The following TEX11 variants were observed in gnomAD, a reference collection of about 807,000 sequenced individuals.
TEX11 encodes the protein testis expressed 11, also known as testis-expressed protein 11.
In TEX11, 7 loss-of-function variants were observed where a neutral mutation model predicts 84.4. The observed-to-expected ratio is 0.08, with a 90% CI of 0.05 to 0.16. TEX11 has a LOEUF of 0.16. Among genes scored for constraint, TEX11 ranks in the 10% least tolerant of loss-of-function variants. The probability of loss-of-function intolerance (pLI) is 1.00; values close to 1 mark genes in which losing one functional copy is unlikely to be tolerated. For synonymous variants in TEX11, 264 were observed against 222.8 expected (o/e 1.18, Z -1.64); for missense variants, 551 against 660.5 (o/e 0.83, Z 1.82).
At chrX:70,685,674 A>G (rs1050713515) in intron 13 of TEX11, among the ~76,000 whole-genome samples, 3 of 112,085 alleles carry the variant, frequency 2.7e-5, no homozygotes, top group African/African-American at 6.5e-5. Flanking sequence ...TGAAAAGTCA[A>G]ACTAATTTAC....
chrX:70,676,241 A>T (rs907986014), intron 15 of TEX11, among the ~76,000 whole-genome samples: 1 of 112,309 alleles, frequency 8.9e-6, no homozygotes, highest in Non-Finnish European at 1.9e-5. Context: ...CAAAAGTGAA[A>T]ATGCTGCATC....
intron 20 of TEX11, among the ~76,000 whole-genome samples, chrX:70,611,480 A>G (rs1490204717): frequency 1.8e-5 from 2 of 112,259 alleles, no homozygotes; most frequent in East Asian, 5.6e-4. Context: ...AGGAGGACCC[A>G]GTCATAAGGA....
intron 11 of TEX11, among the ~76,000 whole-genome samples, chrX:70,734,325 G>T (rs1466120641): frequency 5.5e-5 from 6 of 109,977 alleles, no homozygotes; most frequent in Admixed American, 3.9e-4. Context: ...GAAAAAAAAA[G>T]AAATTCAAGC....
chrX:70,852,257 T>G (rs1226613777), intron 7 of TEX11, among the ~76,000 whole-genome samples: 2 of 112,227 alleles, frequency 1.8e-5, no homozygotes. Flanking sequence ...AGTGGCACAA[T>G]CATAGCTCAC....
At chrX:70,511,461 A>C in the TEX11 span, among the ~76,000 whole-genome samples, 1 of 111,574 alleles carries the variant, frequency 9.0e-6, no homozygotes, top group Non-Finnish European at 1.9e-5. Flanking sequence ...CCTTTATAAA[A>C]GGGTGACATA....
chrX:70,776,435 C>A (rs185276108), intron 9 of TEX11, among the ~76,000 whole-genome samples: 1 of 109,241 alleles, frequency 9.2e-6, no homozygotes, highest in Non-Finnish European at 1.9e-5. Context: ...TGGTGGTGCA[C>A]GCCTGTGGTC....
In TEX11 at chrX:70,773,901, T is replaced by C. The variant is rs756730093; in HGVS notation, c.693-29682A>G. Among the ~76,000 whole-genome samples the C allele has an allele frequency of 4.8e-4, 53 of 111,341 alleles. 2 individuals are homozygous for C. The highest frequency in any genetic ancestry group is 9.4e-5 in the Non-Finnish European group (5 of 53,054). ...TGCTTGGCCAAGATTGGCTGCGAGC[T>C]GAGAGAGAGACTCCCCAATGCAGAG... On this transcript the variant is annotated intron_variant, in intron 9 of 29. Transcript: ENST00000374333.
At chrX:70,568,351 C>T (rs2088527532) in intron 25 of TEX11, among the ~76,000 whole-genome samples, 1 of 110,842 alleles carries the variant, frequency 9.0e-6, no homozygotes, top group Non-Finnish European at 1.9e-5. Flanking sequence ...GGTCTTGACT[C>T]TTTATCCAAT....
intron 27 of TEX11, 47 bp downstream of exon 27, chrX:70,553,259 A>C: frequency 1.1e-6 from 1 of 888,725 alleles, no homozygotes; most frequent in Non-Finnish European, 1.6e-6. Context: ...TGAGGCATTG[A>C]CTATAGTTCT....
chrX:70,900,556 C>T (rs1293171331), intron 2 of TEX11, among the ~76,000 whole-genome samples: 1 of 109,535 alleles, frequency 9.1e-6, no homozygotes, highest in African/African-American at 3.3e-5. Flanking sequence ...TCTTAAACAA[C>T]TAGAAAAGCA....
chrX:70,560,893 G>GTTT (rs745618647), intron 25 of TEX11, among the ~76,000 whole-genome samples: 438 of 33,588 alleles, frequency 0.013, 67 homozygotes, highest in African/African-American at 0.05. Flanking sequence ...CACCACACCG[G>GTTT]TTTTTTTTTT....
chrX:70,729,445 A>G (rs991241875), intron 11 of TEX11, among the ~76,000 whole-genome samples: 1 of 111,766 alleles, frequency 8.9e-6, no homozygotes, highest in Non-Finnish European at 1.9e-5. Flanking sequence ...TAGAATAACC[A>G]ATACAGAGAA....
chrX:70,579,190 T>C (rs1301869106), intron 25 of TEX11, among the ~76,000 whole-genome samples: 1 of 110,467 alleles, frequency 9.1e-6, no homozygotes, highest in Non-Finnish European at 1.9e-5. Flanking sequence ...ATAATTCTTG[T>C]TTAAATCAAG....
chrX:70,760,253 G>GA (rs1443443014), intron 9 of TEX11, among the ~76,000 whole-genome samples: 4 of 111,521 alleles, frequency 3.6e-5, no homozygotes, highest in African/African-American at 1.3e-4. Context: ...CACAGAATTG[G>GA]AAAAAACTAC....
chrX:70,563,946 A>C lies in TEX11; in HGVS notation c.2141-9146T>G, dbSNP rs181376259. Among the ~76,000 whole-genome samples, 81 of 112,314 alleles carry C rather than the reference A, an allele frequency of 7.2e-4. No homozygotes were observed. The East Asian group carries it at 0.02, about 28-fold the overall frequency. Reference sequence around the variant, plus strand: ...ATCTATCATTTAAGATACTGGCCTGATGCCGGGTGTGGTGGTCCACGCCTG... The same window carrying C: ...ATCTATCATTTAAGATACTGGCCTGCTGCCGGGTGTGGTGGTCCACGCCTG... On this transcript the variant is annotated intron_variant, in intron 25 of 29. Coordinates refer to ENST00000374333, the MANE Select transcript of TEX11 (RefSeq NM_031276.3).
intron 21 of TEX11, among the ~76,000 whole-genome samples, chrX:70,609,447 A>G (rs2089234016): frequency 8.9e-6 from 1 of 112,348 alleles, no homozygotes; most frequent in Non-Finnish European, 1.9e-5. Context: ...CCTGAGGTAG[A>G]AAGATATGAT....
chrX:70,559,327 A>C (rs946625808), intron 25 of TEX11, among the ~76,000 whole-genome samples: 3 of 112,637 alleles, frequency 2.7e-5, no homozygotes, highest in Non-Finnish European at 5.6e-5. Flanking sequence ...TCCATGTATT[A>C]TATAATTTTA....
intron 20 of TEX11, among the ~76,000 whole-genome samples, chrX:70,613,608 T>C (rs1157075698): frequency 9.0e-6 from 1 of 111,460 alleles, no homozygotes; most frequent in Non-Finnish European, 1.9e-5. Context: ...CTAAATAAAC[T>C]TGAAAGACAG....
intron 4 of TEX11, among the ~76,000 whole-genome samples, chrX:70,871,203 G>A (rs952199715): frequency 3.6e-5 from 4 of 112,618 alleles, no homozygotes; most frequent in Non-Finnish European, 7.5e-5. Context: ...GTGAGCCACC[G>A]CTACCAGCCT....
Sources: gnomAD v4.1 joint callset for allele counts (sites outside exome capture counted in the v4.1 genomes callset) on GRCh38, gnomAD v4.1.1 for gene constraint, MANE v1.5 for transcripts, NCBI Gene and HGNC (gene_info 2026-07-23, HGNC 2026-07-21) for gene names.